The following FUT8 variants were observed in gnomAD, a reference collection of about 807,000 sequenced individuals.
FUT8 encodes alpha-(1,6)-fucosyltransferase.
FUT8 carries 29 observed loss-of-function variants against 71.3 expected under a neutral mutation model. The observed-to-expected ratio is 0.41, with a 90% CI of 0.30 to 0.55. The LOEUF is 0.55. Among genes scored for constraint, FUT8 ranks in the 20% least tolerant of loss-of-function variants. The pLI, the probability that FUT8 is intolerant of heterozygous loss-of-function variation, is 0.34. For synonymous variants in FUT8, 254 were observed against 239.3 expected (o/e 1.06, Z -0.57); for missense variants, 544 against 702.1 (o/e 0.77, Z 2.55).
intron 7 of FUT8, among the ~76,000 whole-genome samples, chr14:65,717,709 G>A (rs1370113362): frequency 2.1e-5 from 3 of 143,774 alleles, no homozygotes; most frequent in Non-Finnish European, 3.0e-5. Context: ...CTTCCCAGAC[G>A]GGGCAGCTGC....
At chr14:65,579,738 G>T (rs1282335199) in intron 3 of FUT8, among the ~76,000 whole-genome samples, 2 of 152,234 alleles carry the variant, frequency 1.3e-5, no homozygotes, top group African/African-American at 4.8e-5. Flanking sequence ...AGAGTCCCCA[G>T]TGGGGTCATA....
intron 1 of FUT8, among the ~76,000 whole-genome samples, chr14:65,431,056 C>T (rs1294022905): frequency 3.5e-5 from 5 of 143,262 alleles, no homozygotes; most frequent in East Asian, 2.0e-4. Flanking sequence ...AGTGCAGTGG[C>T]GCGATCTCGG....
intron 2 of FUT8, among the ~76,000 whole-genome samples, chr14:65,512,907 CAA>C (rs35280167): frequency 1.7e-4 from 14 of 83,972 alleles, no homozygotes; most frequent in Non-Finnish European, 1.6e-4. Context: ...GACTCTGTCT[CAA>C]AAAAAAAAAA....
At chr14:65,503,331 A>G (rs1314930281) in intron 2 of FUT8, among the ~76,000 whole-genome samples, 2 of 152,214 alleles carry the variant, frequency 1.3e-5, no homozygotes, top group Admixed American at 6.5e-5. Context: ...TGCTTTCATT[A>G]AAGCCATTGT....
intron 2 of FUT8, among the ~76,000 whole-genome samples, chr14:65,510,118 A>G (rs1435471991): frequency 6.6e-6 from 1 of 151,940 alleles, no homozygotes; most frequent in Non-Finnish European, 1.5e-5. Flanking sequence ...TTCTATACTC[A>G]TGTTTTTGAG....
chr14:65,477,997 CT>C (rs1018818941), intron 2 of FUT8, among the ~76,000 whole-genome samples: 1 of 152,018 alleles, frequency 6.6e-6, no homozygotes, highest in African/African-American at 2.4e-5. Context: ...GTTATAAACT[CT>C]TTAATCAGAA....
At chr14:65,670,686 C>T (rs1326877102) in intron 7 of FUT8, among the ~76,000 whole-genome samples, 1 of 152,020 alleles carries the variant, frequency 6.6e-6, no homozygotes, top group African/African-American at 2.4e-5. Flanking sequence ...ATGTCATCAG[C>T]AAAGTAACTT....
rs1048089906 is a variant in FUT8 at position 65,472,526 on chromosome 14, T to C, written c.-228+16808T>C. On this transcript the variant is annotated intron_variant, in intron 2 of 10. Transcript: ENST00000673929. This position sits in a 1 kb window ranked among gnomAD's most constrained non-coding sequence, Gnocchi z 4.4. Reference sequence around the variant, plus strand: ...GCAACAGCAGCCTTTGTTTTCTATGTTGATGGCCAAAGGTTTATTTTTATA... The same window carrying C: ...GCAACAGCAGCCTTTGTTTTCTATGCTGATGGCCAAAGGTTTATTTTTATA... Among the ~76,000 whole-genome samples, 1 of 152,166 alleles carries C rather than the reference T, an allele frequency of 6.6e-6. No individual in the cohort carries two copies. The highest frequency in any genetic ancestry group is 2.1e-4 in the South Asian group (1 of 4,828).
At chr14:65,617,411 T>G (rs1889343356) in intron 5 of FUT8, among the ~76,000 whole-genome samples, 1 of 152,206 alleles carries the variant, frequency 6.6e-6, no homozygotes, top group African/African-American at 2.4e-5. Context: ...CAACTTGCAG[T>G]CAGGCCATAC....
chr14:65,625,018 A>G (rs1889820413), intron 5 of FUT8, among the ~76,000 whole-genome samples: 1 of 152,124 alleles, frequency 6.6e-6, no homozygotes, highest in African/African-American at 2.4e-5. Context: ...GTGAGCTGAG[A>G]TTGTGTGACT....
chr14:65,650,800 C>A (rs189598299), intron 6 of FUT8, among the ~76,000 whole-genome samples: 1 of 151,770 alleles, frequency 6.6e-6, no homozygotes, highest in Admixed American at 6.6e-5. Flanking sequence ...TCCTATATAT[C>A]CCAGCCAAGG....
the FUT8 span, among the ~76,000 whole-genome samples, chr14:65,399,800 T>A: frequency 6.6e-6 from 1 of 152,244 alleles, no homozygotes; most frequent in Admixed American, 6.5e-5. Context: ...CTATGATATT[T>A]TAAAAACAGC....
intron 10 of FUT8, among the ~76,000 whole-genome samples, chr14:65,736,413 C>T (rs886082565): frequency 5.3e-5 from 8 of 151,356 alleles, no homozygotes; most frequent in Non-Finnish European, 8.8e-5. Flanking sequence ...TAGTCAAGGC[C>T]TCCATTAGCT....
rs1891476117 is a variant in FUT8 at position 65,652,879 on chromosome 14, G to A, written c.598-16364G>A. Among the ~76,000 whole-genome samples the A allele has an allele frequency of 6.6e-6, 1 of 152,232 alleles. No individual in the cohort carries two copies. Among genetic ancestry groups the A allele is most frequent in the African/African-American group, 2.4e-5 (1 of 41,460 alleles). On this transcript the variant is annotated intron_variant, in intron 6 of 10. Transcript: ENST00000673929. The surrounding 1 kb of genome is among the most constrained non-coding windows in gnomAD (Gnocchi z 4.0). The stretch of plus-strand genomic sequence containing the variant: ...ATTCTCTTGGCTGATGCTGGAAAGA[G>A]CCAAACATTTGGAGCATGCGATAGC...
chr14:65,527,438 C>T (rs1594739823), intron 2 of FUT8, among the ~76,000 whole-genome samples: 2 of 152,286 alleles, frequency 1.3e-5, no homozygotes, highest in East Asian at 3.9e-4. Context: ...GACTTCTCTA[C>T]ACTGGTTATT....
intron 2 of FUT8, among the ~76,000 whole-genome samples, chr14:65,495,627 G>A (rs34933354): frequency 0.025 from 3,787 of 152,160 alleles, 67 homozygotes; most frequent in Non-Finnish European, 0.039. Flanking sequence ...ACAGCAATAG[G>A]ATTTGTATTG....
At chr14:65,495,289 G>C (rs1219658103) in intron 2 of FUT8, among the ~76,000 whole-genome samples, 3 of 151,778 alleles carry the variant, frequency 2.0e-5, no homozygotes, top group Non-Finnish European at 2.9e-5. Flanking sequence ...TTTGTGAAAA[G>C]TTAGGTAATT....
chr14:65,534,554 T>C lies in FUT8; in HGVS notation c.-227-26783T>C, dbSNP rs1415149041. On this transcript the variant is annotated intron_variant, in intron 2 of 10. Coordinates refer to ENST00000673929, the MANE Select transcript of FUT8 (RefSeq NM_001371533.1). The stretch of plus-strand genomic sequence containing the variant: ...TCTGGTTCAGGGCTGTTTTTCTTTT[T>C]TTTTTTTTTTTGGTTGGTAGGCTAT... 1.4e-4 allele frequency among the ~76,000 whole-genome samples: 21 copies of C among 150,294 alleles called. No homozygotes were observed. The East Asian group carries it at 3.5e-3, about 25-fold the overall frequency.
intron 2 of FUT8, among the ~76,000 whole-genome samples, chr14:65,478,185 ATTC>A (rs1566773290): frequency 6.6e-6 from 1 of 152,092 alleles, no homozygotes; most frequent in Non-Finnish European, 1.5e-5. Context: ...GAACAATAGT[ATTC>A]TTGTTCTTTA....
Sources: allele counts gnomAD v4.1 joint callset (sites outside exome capture counted in the v4.1 genomes callset), GRCh38; gene constraint gnomAD v4.1.1; non-coding constraint Gnocchi (gnomAD v3.1); transcripts MANE v1.5; gene names NCBI Gene and HGNC (gene_info 2026-07-23, HGNC 2026-07-21).